Variants in CHST12 observed in about 807,000 individuals in gnomAD.
CHST12 encodes carbohydrate (chondroitin 4) sulfotransferase 12.
Under a neutral mutation model 27.9 loss-of-function variants are expected in CHST12, and 23 were observed. The ratio of observed to expected loss-of-function variants is 0.82; its 90% CI spans 0.59 to 1.17. The LOEUF (loss-of-function observed/expected upper bound fraction) is 1.17. Ranked by LOEUF, CHST12 falls within the 50% of genes most tolerant of loss-of-function variation. The pLI, the probability that CHST12 is intolerant of heterozygous loss-of-function variation, is 0.00. For missense variants in CHST12, 682 were observed against 603.0 expected, an observed-to-expected ratio of 1.13 and a Z score of -1.37; for synonymous variants, 322 against 273.0, an observed-to-expected ratio of 1.18 and a Z score of -1.77.
At chr7:2,423,189 C>G (rs190488022) in intron 1 of CHST12, among the ~76,000 whole-genome samples, 110 of 152,130 alleles carry the variant, frequency 7.2e-4, no homozygotes, top group African/African-American at 2.6e-3. Context: ...ATGAGAATCC[C>G]TTGAACCTGG....
rs779052191 is a variant in CHST12, at chr7:2,434,118, C to CCGCCCGCTCGCCCGCT, written c.*244_*259dup. Reference sequence around the variant, plus strand: ...CTCTCCCCTCCGCCCGCCCACCCGCCCGCCCGCTCGCCCGCTCGCCCGCTC... The same window carrying CCGCCCGCTCGCCCGCT: ...CTCTCCCCTCCGCCCGCCCACCCGCCCGCCCGCTCGCCCGCTCGCCCGCTCGCCCGCTCGCCCGCTC... On this transcript the variant is annotated 3_prime_UTR_variant, in exon 2 of 2. Transcript: ENST00000618655. The CCGCCCGCTCGCCCGCT allele has an allele frequency of 8.1e-4, 286 of 353,736 alleles. 2 individuals carry two copies. The highest frequency in any genetic ancestry group is 3.6e-3 in the East Asian group (65 of 18,304). The allele number at this position is 353,736 out of a possible 1,614,324, so 21.9% of individuals were successfully genotyped here.
chr7:2,432,637 A>G lies in CHST12; in HGVS notation c.-3A>G. 1 of 1,604,058 alleles carries G rather than the reference A, an allele frequency of 6.2e-7. No individual in the cohort carries two copies. Among genetic ancestry groups the G allele is most frequent in the East Asian group, 2.2e-5 (1 of 44,640 alleles). On this transcript the variant is annotated 5_prime_UTR_variant, in exon 2 of 2. Transcript: ENST00000618655. ...GGAGAGGGCCCAGCCCGCCCGGGGC[A>G]GGATGACCAAGGCCCGGCTGTTCCG...
Position 2,433,338 on chromosome 7 carries a change from C to T in CHST12, c.699C>T (p.Val233=), listed in dbSNP as rs931217337. The change falls in exon 2 of 2, where the codon GTC becomes GTT. Residue 233 remains valine, a synonymous_variant. Coordinates refer to ENST00000618655, the MANE Select transcript of CHST12 (RefSeq NM_018641.5). This position sits in a 1 kb window ranked among gnomAD's most constrained non-coding sequence, Gnocchi z 6.1. ...AGCTCTCCCGCCACCTCATGAAGGT[C>T]AAGCTCAAGAAGTACACCAAGTTCC... ...YGKLSRHLMK[V]KLKKYTKFLF... The T allele has an allele frequency of 1.2e-6, 2 of 1,612,676 alleles. No individual in the cohort carries two copies. The highest frequency in any genetic ancestry group is 1.7e-6 in the Non-Finnish European group (2 of 1,179,928).
chr7:2,426,461 G>A (rs534311565), intron 1 of CHST12, among the ~76,000 whole-genome samples: 3 of 152,288 alleles, frequency 2.0e-5, no homozygotes, highest in Admixed American at 1.3e-4. Context: ...GACCTATGGA[G>A]AGTGCATAGT....
rs80023700 is a variant in CHST12, at chr7:2,427,363, C to T, written c.-77-5200C>T. 8.8e-3 allele frequency among the ~76,000 whole-genome samples: 1,335 copies of T among 151,974 alleles called. 8 individuals carry two copies. Among genetic ancestry groups the T allele is most frequent in the Middle Eastern group, 0.02 (6 of 294 alleles). ...AAAATTTTTAAAAATTAGCCCGGCC[C>T]AGTGGTGTGTATCTGCAGTCCCAGC... is the stretch of plus-strand genomic sequence containing the variant. On this transcript the variant is annotated intron_variant, in intron 1 of 1. Coordinates refer to ENST00000618655, the MANE Select transcript of CHST12 (RefSeq NM_018641.5).
At position 2,437,011 on chromosome 7, in the gene CHST12, C is replaced by T. The variant is rs145999729; in HGVS notation, c.*3127C>T. 0.015 allele frequency: 2,314 copies of T among 152,350 alleles called. 30 individuals carry two copies. Among genetic ancestry groups the T allele is most frequent in the South Asian group, 0.079 (380 of 4,814 alleles). The allele number at this position is 152,350 out of a possible 1,614,324, so 9.4% of individuals were successfully genotyped here. A position where few individuals can be genotyped will look rare whatever the true frequency, so the allele number is the denominator to read the frequency against. On this transcript the variant is annotated 3_prime_UTR_variant, in exon 2 of 2. Transcript: ENST00000618655. The stretch of plus-strand genomic sequence containing the variant: ...GCGGGGAGAACCCACTTTGATTCTT[C>T]GCTGTTTGCCTGATGCGCAGCACCA...
intron 1 of CHST12, among the ~76,000 whole-genome samples, chr7:2,410,992 G>A (rs539168982): frequency 7.9e-5 from 12 of 152,246 alleles, no homozygotes; most frequent in Non-Finnish European, 1.6e-4. Flanking sequence ...ATGGTGATTG[G>A]GGCAGGGTGG....
Position 2,434,062 on chromosome 7 carries a change from T to C in CHST12, c.*178T>C, listed in dbSNP as rs1053966451. On this transcript the variant is annotated 3_prime_UTR_variant, in exon 2 of 2. Coordinates refer to ENST00000618655, the MANE Select transcript of CHST12 (RefSeq NM_018641.5). Reference sequence around the variant, plus strand: ...TATATTTCAGGTATTTAATACGAAATGTGGAAGGGAATGCTGGAGTAAAAT... The same window carrying C: ...TATATTTCAGGTATTTAATACGAAACGTGGAAGGGAATGCTGGAGTAAAAT... 40 of 516,958 alleles carry C rather than the reference T, an allele frequency of 7.7e-5. No homozygotes were observed. The highest frequency in any genetic ancestry group is 1.1e-4 in the Non-Finnish European group (32 of 295,498). The allele number at this position is 516,958 out of a possible 1,614,324, so 32.0% of individuals were successfully genotyped here.
intron 1 of CHST12, among the ~76,000 whole-genome samples, chr7:2,420,375 A>G (rs942263070): frequency 6.6e-6 from 1 of 152,148 alleles, no homozygotes; most frequent in African/African-American, 2.4e-5. Context: ...TTGAAGGCTG[A>G]GTAATATTCT....
intron 1 of CHST12, among the ~76,000 whole-genome samples, chr7:2,424,514 G>C (rs1782055878): frequency 6.6e-6 from 1 of 152,168 alleles, no homozygotes; most frequent in South Asian, 2.1e-4. Flanking sequence ...ACTCCGAGAA[G>C]CTTATGCCGG....
chr7:2,432,568 C>G lies in CHST12; in HGVS notation c.-72C>G, dbSNP rs1782300793. The G allele has an allele frequency of 6.6e-7, 1 of 1,508,896 alleles. No homozygotes were observed. The highest frequency in any genetic ancestry group is 8.9e-7 in the Non-Finnish European group (1 of 1,120,174). 93.5% of individuals were successfully genotyped at this position (1,508,896 alleles called of 1,614,324 possible). A position where few individuals can be genotyped will look rare whatever the true frequency, so the allele number is the denominator to read the frequency against. On this transcript the variant is annotated 5_prime_UTR_variant, in exon 2 of 2. Coordinates refer to ENST00000618655, the MANE Select transcript of CHST12 (RefSeq NM_018641.5). ...GTGTGTCATTGCATCTGCAGGTTCC[C>G]AGCAGGATGCCCCGGCTCTGCAGGA... is the stretch of plus-strand genomic sequence containing the variant.
Position 2,436,693 on chromosome 7 carries a change from A to G in CHST12, c.*2809A>G, listed in dbSNP as rs1169795275. ...CGTTTGTTTATAGGATGTTCAGACG[A>G]ATGTCAGAACCCACTGGGCGGTTCA... On this transcript the variant is annotated 3_prime_UTR_variant, in exon 2 of 2. Coordinates refer to ENST00000618655, the MANE Select transcript of CHST12 (RefSeq NM_018641.5). 1 of 152,204 alleles carries G rather than the reference A, an allele frequency of 6.6e-6. No homozygotes were observed. The highest frequency in any genetic ancestry group is 1.5e-5 in the Non-Finnish European group (1 of 68,058). The allele number at this position is 152,204 out of a possible 1,614,324, so 9.4% of individuals were successfully genotyped here. A position where few individuals can be genotyped will look rare whatever the true frequency, so the allele number is the denominator to read the frequency against.
chr7:2,433,699 C>T lies in CHST12; in HGVS notation c.1060C>T (p.Gln354Ter), dbSNP rs1782379144. 1 of 1,613,418 alleles carries T rather than the reference C, an allele frequency of 6.2e-7. No homozygotes were observed. Among genetic ancestry groups the T allele is most frequent in the Non-Finnish European group, 8.5e-7 (1 of 1,179,708 alleles). Residue 354 changes from glutamine to a stop codon, truncating the protein, a stop_gained, in exon 2 of 2, where the codon CAG becomes TAG. Transcript: ENST00000618655. LOFTEE classifies it high-confidence loss of function. This position sits in a 1 kb window ranked among gnomAD's most constrained non-coding sequence, Gnocchi z 6.1. ...TLDEDAAQLL[Q>*]LLQVDRQLRF... Reference sequence around the variant, plus strand: ...GGACGAGGACGCCGCGCAGCTGCTGCAGCTACTCCAGGTGGACCGGCAGCT... The same window carrying T: ...GGACGAGGACGCCGCGCAGCTGCTGTAGCTACTCCAGGTGGACCGGCAGCT...
chr7:2,430,973 G>A (rs1463946095), intron 1 of CHST12, among the ~76,000 whole-genome samples: 1 of 152,228 alleles, frequency 6.6e-6, no homozygotes. Flanking sequence ...GTGTTCTCTT[G>A]TTAGGTGAGT....
intron 1 of CHST12, among the ~76,000 whole-genome samples, chr7:2,410,889 G>A (rs986657222): frequency 4.6e-5 from 7 of 152,036 alleles, no homozygotes; most frequent in Non-Finnish European, 8.8e-5. Context: ...TAGAATAACC[G>A]TGGCTTTGGG....
At chr7:2,404,433 C>A (rs1781467145) in intron 1 of CHST12, among the ~76,000 whole-genome samples, 1 of 152,094 alleles carries the variant, frequency 6.6e-6, no homozygotes, top group Admixed American at 6.6e-5. Context: ...TTATTTAGTT[C>A]ATAAGCGGGG....
In CHST12 at chr7:2,433,005, G is replaced by A. The variant is rs2115442482; in HGVS notation, c.366G>A (p.Ala122=). The change falls in exon 2 of 2, where the codon GCG becomes GCA. Residue 122 remains alanine, a synonymous_variant. Transcript: ENST00000618655. This position sits in a 1 kb window ranked among gnomAD's most constrained non-coding sequence, Gnocchi z 6.1. ...GCCCAGACCAGGGCCGGCAGCAGGCGGAGCGGAGGAGCGTGCTGCGGGGCT... is the reference window on the plus strand; with the variant it reads ...GCCCAGACCAGGGCCGGCAGCAGGCAGAGCGGAGGAGCGTGCTGCGGGGCT... ...RRSPDQGRQQ[A]ERRSVLRGFC... is the part of the protein sequence containing the mutation. The A allele has an allele frequency of 6.2e-7, 1 of 1,610,392 alleles. No homozygotes were observed. Among genetic ancestry groups the A allele is most frequent in the East Asian group, 2.2e-5 (1 of 44,828 alleles).
rs1554282401 is a variant in CHST12 at position 2,434,118 on chromosome 7, C to CCGCCCGCCCGCCCGCTCGCCCGCT, written c.*241_*242insCCGCCCGCTCGCCCGCTCGCCCGC. The CCGCCCGCCCGCCCGCTCGCCCGCT allele has an allele frequency of 8.5e-5, 30 of 353,740 alleles. No individual in the cohort carries two copies. The highest frequency in any genetic ancestry group is 1.2e-4 in the Non-Finnish European group (24 of 198,796). The allele number at this position is 353,740 out of a possible 1,614,324, so 21.9% of individuals were successfully genotyped here. ...CTCTCCCCTCCGCCCGCCCACCCGC[C>CCGCCCGCCCGCCCGCTCGCCCGCT]CGCCCGCTCGCCCGCTCGCCCGCTC... On this transcript the variant is annotated 3_prime_UTR_variant, in exon 2 of 2. Transcript: ENST00000618655.
chr7:2,406,108 T>TA (rs1049159755), intron 1 of CHST12, among the ~76,000 whole-genome samples: 8 of 152,050 alleles, frequency 5.3e-5, no homozygotes, highest in African/African-American at 1.2e-4. Context: ...GTTTGTCATT[T>TA]AAAAAAACCG....
Sources: allele counts gnomAD v4.1 joint callset (sites outside exome capture counted in the v4.1 genomes callset), GRCh38; gene constraint gnomAD v4.1.1; non-coding constraint Gnocchi (gnomAD v3.1); transcripts MANE v1.5; gene names NCBI Gene and HGNC (gene_info 2026-07-23, HGNC 2026-07-21).